Variants in MYO1E observed in about 807,000 individuals in gnomAD.
The protein encoded by MYO1E is myosin IE.
A neutral mutation model predicts 151.1 loss-of-function variants in MYO1E; 68 were observed. The ratio of observed to expected loss-of-function variants is 0.45; its 90% CI spans 0.37 to 0.55. MYO1E has a LOEUF of 0.55. Among genes scored for constraint, MYO1E ranks in the 20% least tolerant of loss-of-function variants. MYO1E has a pLI of 0.00. For synonymous variants in MYO1E, 601 were observed against 501.7 expected, an observed-to-expected ratio of 1.20 and a Z score of -2.64; for missense variants, 1,363 against 1,389.3, an observed-to-expected ratio of 0.98 and a Z score of 0.30.
intron 5 of MYO1E, among the ~76,000 whole-genome samples, chr15:59,232,568 G>A (rs1490849125): frequency 2.0e-5 from 3 of 152,230 alleles, no homozygotes; most frequent in Non-Finnish European, 2.9e-5. Context: ...GATAGAATTT[G>A]ATGTTGGAGA....
chr15:59,335,655 C>A (rs1439256549), intron 1 of MYO1E, among the ~76,000 whole-genome samples: 2 of 152,152 alleles, frequency 1.3e-5, no homozygotes, highest in Non-Finnish European at 2.9e-5. Context: ...TTGGAGGCCA[C>A]GATGGACTTA....
chr15:59,175,093 C>T (rs2079616987), intron 19 of MYO1E, among the ~76,000 whole-genome samples: 1 of 152,216 alleles, frequency 6.6e-6, no homozygotes, highest in Non-Finnish European at 1.5e-5. Context: ...GCCGCATACT[C>T]TGTCATCTCT....
intron 26 of MYO1E, among the ~76,000 whole-genome samples, chr15:59,139,477 T>G (rs1032816094): frequency 5.2e-5 from 7 of 133,830 alleles, no homozygotes; most frequent in African/African-American, 1.8e-4. Context: ...CGCTCATTAC[T>G]CTGCAGACTT....
At chr15:59,176,849 G>A (rs1235717056) in intron 19 of MYO1E, among the ~76,000 whole-genome samples, 1 of 152,114 alleles carries the variant, frequency 6.6e-6, no homozygotes, top group Non-Finnish European at 1.5e-5. Flanking sequence ...CGGAGGTGAT[G>A]GTGTGCGTGT....
intron 1 of MYO1E, among the ~76,000 whole-genome samples, chr15:59,365,307 C>G (rs2080906962): frequency 6.6e-6 from 1 of 152,140 alleles, no homozygotes. Context: ...GCGTTAGCCA[C>G]CGCGCCCGGC....
At chr15:59,190,935 G>C (rs2079729199) in intron 17 of MYO1E, among the ~76,000 whole-genome samples, 2 of 152,086 alleles carry the variant, frequency 1.3e-5, no homozygotes, top group Admixed American at 6.6e-5. Flanking sequence ...ACAAGGCAGA[G>C]GGCTGTGAAA....
At chr15:59,152,968 C>A (rs1178995785) in intron 26 of MYO1E, among the ~76,000 whole-genome samples, 1 of 152,174 alleles carries the variant, frequency 6.6e-6, no homozygotes, top group Admixed American at 6.5e-5. Context: ...TCAGTTGGCG[C>A]TAGTTCCATC....
intron 1 of MYO1E, among the ~76,000 whole-genome samples, chr15:59,330,104 T>A (rs1441809875): frequency 6.6e-6 from 1 of 152,278 alleles, no homozygotes; most frequent in East Asian, 1.9e-4. Flanking sequence ...TCTGCCCAGA[T>A]AAATTAATAC....
chr15:59,191,768 C>T (rs899231005), intron 17 of MYO1E, among the ~76,000 whole-genome samples: 2 of 152,112 alleles, frequency 1.3e-5, no homozygotes, highest in Non-Finnish European at 2.9e-5. Flanking sequence ...TTTGCATATT[C>T]CTGGAGCACT....
At position 59,135,010 on chromosome 15, in the gene MYO1E, A is replaced by T. The variant is rs936924826; in HGVS notation, c.*2370T>A. On this transcript the variant is annotated 3_prime_UTR_variant, in exon 28 of 28. Transcript: ENST00000288235. Reference sequence around the variant, plus strand: ...ATGTTGAATTTCTAAATATATACAAATAAGTTTAAGATAAACCACTATTTC... The same window carrying T: ...ATGTTGAATTTCTAAATATATACAATTAAGTTTAAGATAAACCACTATTTC... The T allele has an allele frequency of 6.6e-6, 1 of 152,228 alleles. No homozygotes were observed. Among genetic ancestry groups the T allele is most frequent in the African/African-American group, 2.4e-5 (1 of 41,452 alleles). The allele number at this position is 152,228 out of a possible 1,614,324, so 9.4% of individuals were successfully genotyped here. A position where few individuals can be genotyped will look rare whatever the true frequency, so the allele number is the denominator to read the frequency against.
intron 15 of MYO1E, 52 bp downstream of exon 15, chr15:59,205,348 G>A (rs911730533): frequency 2.2e-5 from 34 of 1,560,636 alleles, no homozygotes; most frequent in Non-Finnish European, 2.8e-5. Flanking sequence ...TTTTCATATT[G>A]AAAATTTCAT....
chr15:59,295,818 C>G (rs773807553), intron 1 of MYO1E, among the ~76,000 whole-genome samples: 1 of 152,158 alleles, frequency 6.6e-6, no homozygotes, highest in Non-Finnish European at 1.5e-5. Context: ...GTGCAAATTT[C>G]CGGTCCAGCT....
At chr15:59,341,543 T>G (rs1192873804) in intron 1 of MYO1E, 1 of 152,218 alleles carries the variant, frequency 6.6e-6, no homozygotes, top group Admixed American at 6.5e-5. Context: ...CCTATCTCTA[T>G]GAGTTCAATA....
At chr15:59,223,417 C>A (rs1368410232) in intron 8 of MYO1E, among the ~76,000 whole-genome samples, 1 of 152,130 alleles carries the variant, frequency 6.6e-6, no homozygotes, top group Non-Finnish European at 1.5e-5. Flanking sequence ...TGGTCACTGC[C>A]CAATGCACAC....
At chr15:59,334,579 C>T (rs2080717435) in intron 1 of MYO1E, among the ~76,000 whole-genome samples, 1 of 152,142 alleles carries the variant, frequency 6.6e-6, no homozygotes, top group African/African-American at 2.4e-5. Context: ...CATATTCCCC[C>T]CACTGGTGAC....
At chr15:59,335,664 T>G (rs1233679001) in intron 1 of MYO1E, among the ~76,000 whole-genome samples, 1 of 152,148 alleles carries the variant, frequency 6.6e-6, no homozygotes, top group East Asian at 1.9e-4. Context: ...ACGATGGACT[T>G]ACATTTAAAC....
intron 16 of MYO1E, among the ~76,000 whole-genome samples, chr15:59,198,855 C>A (rs1193611103): frequency 5.3e-5 from 8 of 151,564 alleles, no homozygotes; most frequent in African/African-American, 1.9e-4. Flanking sequence ...CCAAAAAAAC[C>A]CCCAACCAAT....
At chr15:59,280,817 A>G (rs1296148042) in intron 1 of MYO1E, among the ~76,000 whole-genome samples, 1 of 152,166 alleles carries the variant, frequency 6.6e-6, no homozygotes, top group Non-Finnish European at 1.5e-5. Context: ...GTTTAATATC[A>G]TCACAGATGA....
intron 1 of MYO1E, among the ~76,000 whole-genome samples, chr15:59,324,121 G>C (rs962806081): frequency 9.9e-5 from 15 of 152,142 alleles, no homozygotes; most frequent in African/African-American, 3.4e-4. Context: ...AGAAAAGAAG[G>C]CTCAGCCGAC....
Sources: allele counts gnomAD v4.1 joint callset (sites outside exome capture counted in the v4.1 genomes callset), GRCh38; gene constraint gnomAD v4.1.1; transcripts MANE v1.5; gene names NCBI Gene and HGNC (gene_info 2026-07-23, HGNC 2026-07-21).